AKT3: variants seen among roughly 807,000 people sequenced by gnomAD.
AKT3 encodes AKT serine/threonine kinase 3.
A neutral mutation model predicts 65.3 loss-of-function variants in AKT3; 15 were observed. That is an observed-to-expected ratio of 0.23 (90% confidence interval 0.15 to 0.35). The LOEUF is 0.35. Ranked by LOEUF, AKT3 falls within the 10% of genes least tolerant of loss-of-function variation. The probability of loss-of-function intolerance (pLI) is 1.00; values close to 1 mark genes in which losing one functional copy is unlikely to be tolerated. For synonymous variants in AKT3, 206 were observed against 183.8 expected (o/e 1.12, Z -0.98); for missense variants, 243 against 576.5 (o/e 0.42, Z 5.92).
At chr1:243,488,872 C>A in intron 13 of AKT3, 1 of 1,136,664 alleles carries the variant, frequency 8.8e-7, no homozygotes, top group Non-Finnish European at 1.3e-6. Flanking sequence ...CTAGTGCCAG[C>A]CAGAGCCTGG....
chr1:243,699,309 C>CAAAAAAAA (rs1685268133), intron 2 of AKT3, among the ~76,000 whole-genome samples: 1 of 151,184 alleles, frequency 6.6e-6, no homozygotes. Flanking sequence ...AAAGTCTTGT[C>CAAAAAAAA]AAAAAAGAAG....
intron 8 of AKT3, among the ~76,000 whole-genome samples, chr1:243,586,155 T>C (rs1675785256): frequency 6.6e-6 from 1 of 152,144 alleles, no homozygotes; most frequent in South Asian, 2.1e-4. Context: ...CAGGGAAATG[T>C]AAATCAAAAC....
At chr1:243,799,841 A>G (rs1483909121) in intron 2 of AKT3, among the ~76,000 whole-genome samples, 1 of 152,240 alleles carries the variant, frequency 6.6e-6, no homozygotes, top group Non-Finnish European at 1.5e-5. Context: ...CTCTTTTACT[A>G]TATTTCAAAG....
chr1:243,530,737 GT>G (rs1444798877), intron 12 of AKT3, among the ~76,000 whole-genome samples: 1 of 152,126 alleles, frequency 6.6e-6, no homozygotes, highest in Non-Finnish European at 1.5e-5. Context: ...CCAGGAGTTG[GT>G]TTTTTGAAAG....
intron 8 of AKT3, among the ~76,000 whole-genome samples, chr1:243,609,100 T>C (rs1677667777): frequency 1.3e-5 from 2 of 151,920 alleles, no homozygotes; most frequent in Non-Finnish European, 2.9e-5. Context: ...AATGGCAAGG[T>C]GAACCCAAAG....
At chr1:243,767,613 T>C (rs1232811013) in intron 2 of AKT3, among the ~76,000 whole-genome samples, 1 of 152,142 alleles carries the variant, frequency 6.6e-6, no homozygotes, top group Non-Finnish European at 1.5e-5. Context: ...CCCAATAGTA[T>C]ATATTTTTTG....
At chr1:243,557,194 C>CT (rs1375018509) in intron 10 of AKT3, among the ~76,000 whole-genome samples, 1 of 152,052 alleles carries the variant, frequency 6.6e-6, no homozygotes, top group Non-Finnish European at 1.5e-5. Flanking sequence ...TTCTATACTT[C>CT]TTTTTTATTC....
chr1:243,796,689 G>A (rs771019941), intron 2 of AKT3, among the ~76,000 whole-genome samples: 3 of 152,018 alleles, frequency 2.0e-5, no homozygotes, highest in Admixed American at 6.6e-5. Context: ...TCCTCTGCTT[G>A]TAACGTTCTT....
chr1:243,609,569 G>A (rs918677123), intron 8 of AKT3, among the ~76,000 whole-genome samples: 1 of 152,082 alleles, frequency 6.6e-6, no homozygotes, highest in Non-Finnish European at 1.5e-5. Flanking sequence ...GAGGCATGAG[G>A]ACTGCTTGAG....
intron 2 of AKT3, among the ~76,000 whole-genome samples, chr1:243,783,228 G>T (rs1180469403): frequency 6.6e-6 from 1 of 152,170 alleles, no homozygotes; most frequent in Non-Finnish European, 1.5e-5. Flanking sequence ...TGATTAGAGG[G>T]TTAGAACTTT....
At chr1:243,534,826 A>G (rs566847024) in intron 12 of AKT3, among the ~76,000 whole-genome samples, 3 of 152,326 alleles carry the variant, frequency 2.0e-5, no homozygotes, top group East Asian at 3.9e-4. Flanking sequence ...TTTGTGAGAT[A>G]CAGTTAAAAT....
At chr1:243,645,743 A>G (rs2147845294) in intron 5 of AKT3, 150 bp downstream of exon 5, 1 of 730,978 alleles carries the variant, frequency 1.4e-6, no homozygotes, top group Non-Finnish European at 2.1e-6. Flanking sequence ...TTAAACAACA[A>G]CAGGTATTTC....
chr1:243,496,893 TGGG>T (rs1239068229), downstream of AKT3, among the ~76,000 whole-genome samples: 2 of 152,190 alleles, frequency 1.3e-5, no homozygotes, highest in African/African-American at 4.8e-5. Flanking sequence ...TGCCTGCAGA[TGGG>T]GGCACGTTTC....
chr1:243,567,294 A>T (rs1674228044), intron 9 of AKT3, among the ~76,000 whole-genome samples: 1 of 151,952 alleles, frequency 6.6e-6, no homozygotes, highest in African/African-American at 2.4e-5. Context: ...CAAAAAAACA[A>T]AACACAAATA....
intron 1 of AKT3, among the ~76,000 whole-genome samples, chr1:243,848,589 C>T (rs1439533404): frequency 6.6e-6 from 1 of 152,184 alleles, no homozygotes; most frequent in Non-Finnish European, 1.5e-5. Context: ...TCAGCTTCAA[C>T]CACTGACAAA....
chr1:243,529,784 G>A (rs757684675), intron 12 of AKT3, among the ~76,000 whole-genome samples: 1 of 151,938 alleles, frequency 6.6e-6, no homozygotes, highest in Non-Finnish European at 1.5e-5. Context: ...TTCTTTTTCG[G>A]GTCCACATGG....
chr1:243,648,494 A>G (rs1681021133), intron 4 of AKT3, among the ~76,000 whole-genome samples: 1 of 152,144 alleles, frequency 6.6e-6, no homozygotes, highest in Non-Finnish European at 1.5e-5. Context: ...CTTTGTTAAG[A>G]AATTCTGCAT....
intron 8 of AKT3, 107 bp from the exon 9 acceptor site, chr1:243,573,155 T>C (rs1674685278): frequency 1.5e-6 from 2 of 1,346,738 alleles, no homozygotes; most frequent in Non-Finnish European, 2.0e-6. Flanking sequence ...TGATAGATAG[T>C]GTACTCTCAG....
chr1:243,606,445 C>T (rs1295883149), intron 8 of AKT3, among the ~76,000 whole-genome samples: 1 of 152,170 alleles, frequency 6.6e-6, no homozygotes, highest in Non-Finnish European at 1.5e-5. Flanking sequence ...TCTTGCTATG[C>T]TTTACCAAAG....
Sources: allele counts gnomAD v4.1 joint callset (sites outside exome capture counted in the v4.1 genomes callset), GRCh38; gene constraint gnomAD v4.1.1; transcripts MANE v1.5; gene names NCBI Gene and HGNC (gene_info 2026-07-23, HGNC 2026-07-21).